Variants in AGMO observed in about 807,000 individuals in gnomAD.
AGMO encodes the protein glyceryl-ether monooxygenase.
In AGMO, 75 loss-of-function variants were observed where a neutral mutation model predicts 60.2. The observed-to-expected ratio is 1.25, with a 90% CI of 1.03 to 1.51. The LOEUF (loss-of-function observed/expected upper bound fraction) is 1.51. Among genes scored for constraint, AGMO ranks in the 40% most tolerant of loss-of-function variants. AGMO has a pLI of 0.00. For synonymous variants in AGMO, 261 were observed against 177.1 expected (o/e 1.47, Z -3.76); for missense variants, 763 against 525.5 (o/e 1.45, Z -4.42).
chr7:15,191,975 A>T, the AGMO span, among the ~76,000 whole-genome samples: 392 of 7,562 alleles, frequency 0.052, no homozygotes, highest in East Asian at 0.23. Context: ...TCTCTCTCTC[A>T]CACACACACA....
chr7:15,394,190 C>A lies in AGMO; in HGVS notation c.610-11G>T. The A allele has an allele frequency of 6.4e-7, 1 of 1,569,268 alleles. No individual in the cohort carries two copies. Among genetic ancestry groups the A allele is most frequent in the Non-Finnish European group, 8.8e-7 (1 of 1,140,324 alleles). ...AAGGTTATTGATGACCTGTTTAAAACAGAAGGAATATTTATACATGTAGTT... is the reference window on the plus strand; with the variant it reads ...AAGGTTATTGATGACCTGTTTAAAAAAGAAGGAATATTTATACATGTAGTT... On this transcript the variant is annotated splice_polypyrimidine_tract_variant and intron_variant, in intron 5 of 12. Coordinates refer to ENST00000342526, the MANE Select transcript of AGMO (RefSeq NM_001004320.2).
At chr7:15,219,758 G>GGCCACTGTCA (rs1368072173) in intron 12 of AGMO, among the ~76,000 whole-genome samples, 16 of 152,156 alleles carry the variant, frequency 1.1e-4, no homozygotes, top group Non-Finnish European at 2.1e-4. Context: ...AGGGAAAGTA[G>GGCCACTGTCA]TATTGGCTAT....
At chr7:15,211,484 T>C (rs1399570131) in intron 12 of AGMO, among the ~76,000 whole-genome samples, 2 of 152,016 alleles carry the variant, frequency 1.3e-5, no homozygotes, top group Non-Finnish European at 2.9e-5. Context: ...TGGGTAACTA[T>C]TACAATTATG....
intron 5 of AGMO, among the ~76,000 whole-genome samples, chr7:15,397,567 A>G (rs2128488550): frequency 6.6e-6 from 1 of 152,164 alleles, no homozygotes; most frequent in South Asian, 2.1e-4. Flanking sequence ...CTCACTACCT[A>G]CCTTACTTTC....
intron 12 of AGMO, among the ~76,000 whole-genome samples, chr7:15,312,421 T>G (rs957011555): frequency 1.3e-5 from 2 of 151,794 alleles, no homozygotes; most frequent in Admixed American, 1.3e-4. Context: ...TAATTGAGTG[T>G]TAGAATGAGG....
At chr7:15,237,054 T>G (rs912341235) in intron 12 of AGMO, among the ~76,000 whole-genome samples, 24 of 152,162 alleles carry the variant, frequency 1.6e-4, no homozygotes, top group African/African-American at 5.8e-4. Context: ...TTGAATACCT[T>G]TTTAAAGTAA....
chr7:15,220,793 A>G (rs775263988), intron 12 of AGMO, among the ~76,000 whole-genome samples: 4 of 152,068 alleles, frequency 2.6e-5, no homozygotes, highest in Non-Finnish European at 4.4e-5. Context: ...TATTACCATA[A>G]ATAGCATATA....
chr7:15,415,664 A>C (rs1280083926), intron 5 of AGMO, among the ~76,000 whole-genome samples: 5 of 152,196 alleles, frequency 3.3e-5, no homozygotes, highest in African/African-American at 1.2e-4. Flanking sequence ...TGTGATAATA[A>C]ATTTAAGATA....
chr7:15,435,314 C>CTTTTTTTTTTTTTTTTTTTTTT (rs375796651), intron 3 of AGMO, among the ~76,000 whole-genome samples: 1 of 143,396 alleles, frequency 7.0e-6, no homozygotes. Flanking sequence ...GTGGCTGTGC[C>CTTTTTTTTTTTTTTTTTTTTTT]TTTTTTTTTT....
At chr7:15,322,468 ATATATAAATATATATATAAAT>A (rs1563086017) in intron 12 of AGMO, among the ~76,000 whole-genome samples, 1 of 44,536 alleles carries the variant, frequency 2.2e-5, no homozygotes, top group African/African-American at 5.4e-5. Context: ...ATATATATAA[ATATATAAATATATATATAAAT>A]ATATATAAAT....
intron 3 of AGMO, among the ~76,000 whole-genome samples, chr7:15,521,875 G>C (rs528803506): frequency 6.6e-6 from 1 of 152,124 alleles, no homozygotes; most frequent in Non-Finnish European, 1.5e-5. Context: ...AAGAAATAAA[G>C]GGTATTCAAA....
At chr7:15,486,331 G>T (rs1411393770) in intron 3 of AGMO, among the ~76,000 whole-genome samples, 1 of 152,144 alleles carries the variant, frequency 6.6e-6, no homozygotes, top group East Asian at 1.9e-4. Flanking sequence ...GCTATGTACA[G>T]TTCAAACCCG....
intron 3 of AGMO, among the ~76,000 whole-genome samples, chr7:15,495,840 CT>C (rs1783210407): frequency 7.3e-6 from 1 of 136,198 alleles, no homozygotes; most frequent in East Asian, 2.1e-4. Flanking sequence ...CTCTCTCTCT[CT>C]CCTCTCTCTC....
chr7:15,143,971 G>A, the AGMO span, among the ~76,000 whole-genome samples: 1 of 152,094 alleles, frequency 6.6e-6, no homozygotes, highest in Non-Finnish European at 1.5e-5. Context: ...ATTTCAATAG[G>A]AATCTTTAAG....
At chr7:15,293,030 T>A (rs548536739) in intron 12 of AGMO, among the ~76,000 whole-genome samples, 4 of 152,138 alleles carry the variant, frequency 2.6e-5, no homozygotes, top group Non-Finnish European at 5.9e-5. Flanking sequence ...CCCAAAGTGC[T>A]GGGATTACAA....
the AGMO span, among the ~76,000 whole-genome samples, chr7:15,171,015 A>C: frequency 6.6e-6 from 1 of 151,972 alleles, no homozygotes; most frequent in Non-Finnish European, 1.5e-5. Flanking sequence ...TCGCTCTGTC[A>C]CACAGGCTGG....
intron 3 of AGMO, among the ~76,000 whole-genome samples, chr7:15,466,121 A>T (rs1045810543): frequency 7.2e-5 from 11 of 152,302 alleles, no homozygotes; most frequent in Admixed American, 1.3e-4. Context: ...CCACTGAGCT[A>T]ATTGTTGCTG....
At chr7:15,144,087 T>C in the AGMO span, among the ~76,000 whole-genome samples, 3 of 152,170 alleles carry the variant, frequency 2.0e-5, no homozygotes, top group African/African-American at 7.2e-5. Flanking sequence ...AAGATATGCA[T>C]CAGTGTTAAA....
the AGMO span, among the ~76,000 whole-genome samples, chr7:15,151,674 T>C: frequency 6.6e-6 from 1 of 152,154 alleles, no homozygotes; most frequent in Non-Finnish European, 1.5e-5. Context: ...GAGAGTGTGA[T>C]TTGCAGGATT....
Sources: gnomAD v4.1 joint callset for allele counts (sites outside exome capture counted in the v4.1 genomes callset) on GRCh38, gnomAD v4.1.1 for gene constraint, MANE v1.5 for transcripts, NCBI Gene and HGNC (gene_info 2026-07-23, HGNC 2026-07-21) for gene names.